The following CFAP74 variants were observed in gnomAD, a reference collection of about 807,000 sequenced individuals.
CFAP74 encodes the protein cilia and flagella associated protein 74, also known as cilia- and flagella-associated protein 74.
Under a neutral mutation model 188.9 loss-of-function variants are expected in CFAP74, and 124 were observed. The observed-to-expected ratio is 0.66, with a 90% CI of 0.57 to 0.76. CFAP74 has a LOEUF of 0.76. CFAP74 is among the 30% of genes least tolerant of loss of function. The pLI, the probability that CFAP74 is intolerant of heterozygous loss-of-function variation, is 0.00. For missense variants in CFAP74, 2,198 were observed against 2,165.2 expected (o/e 1.02, Z -0.30); for synonymous variants, 956 against 916.7 (o/e 1.04, Z -0.77).
intron 12 of CFAP74, 69 bp from the exon 13 acceptor site, chr1:1,965,130 G>A (rs1655381879): frequency 6.7e-7 from 1 of 1,484,898 alleles, no homozygotes; most frequent in Non-Finnish European, 9.2e-7. Flanking sequence ...TGGCAGCTCG[G>A]AGGCGAGGGT....
rs765250449 is a variant in CFAP74 at position 1,938,904 on chromosome 1, T to C, written c.2962A>G (p.Lys988Glu). The change falls in exon 25 of 39, where the codon AAG becomes GAG. Residue 988 changes from lysine to glutamate, a missense_variant. Transcript: ENST00000682832. Reference protein sequence around the residue: ...LQFCVIFQPTKAEEHRFQLTC... With the variant: ...LQFCVIFQPTEAEEHRFQLTC... ...AGTTGGAATCTGTGTTCCTCGGCCT[T>C]GGTGGGCTGGAAGATCACACAGAAC... The C allele has an allele frequency of 1.0e-4, 158 of 1,536,048 alleles. No individual in the cohort carries two copies. Among genetic ancestry groups the C allele is most frequent in the Admixed American group, 2.7e-4 (14 of 50,980 alleles).
intron 18 of CFAP74, among the ~76,000 whole-genome samples, chr1:1,949,011 T>C (rs1654016374): frequency 1.2e-5 from 1 of 84,592 alleles, no homozygotes; most frequent in Non-Finnish European, 2.4e-5. Context: ...TCCTTCCCCT[T>C]CCCCTTCCTT....
intron 23 of CFAP74, 90 bp downstream of exon 23, chr1:1,940,226 G>T (rs1181070615): frequency 8.8e-6 from 9 of 1,019,822 alleles, no homozygotes; most frequent in South Asian, 2.8e-5. Flanking sequence ...CCTTTTGGGG[G>T]CCCTCGCCCG....
rs565857552 is a variant in CFAP74 at position 1,988,036 on chromosome 1, T to C, written c.296+476A>G. Reference sequence around the variant, plus strand: ...CAGGCTTGCTGCAGCCTTGACCTCCTGGGCTCAAGCCATCCTCTGGCCTCA... The same window carrying C: ...CAGGCTTGCTGCAGCCTTGACCTCCCGGGCTCAAGCCATCCTCTGGCCTCA... On this transcript the variant is annotated intron_variant, in intron 4 of 38. Transcript: ENST00000682832. 1.8e-4 allele frequency: 82 copies of C among 462,148 alleles called. 1 individual carries two copies. The highest frequency in any genetic ancestry group is 1.2e-3 in the South Asian group (77 of 64,108). The allele number at this position is 462,148 out of a possible 1,614,324, so 28.6% of individuals were successfully genotyped here. A position where few individuals can be genotyped will look rare whatever the true frequency, so the allele number is the denominator to read the frequency against.
At chr1:1,961,724 C>A (rs921854902) in intron 14 of CFAP74, among the ~76,000 whole-genome samples, 1 of 152,230 alleles carries the variant, frequency 6.6e-6, no homozygotes, top group Non-Finnish European at 1.5e-5. Flanking sequence ...AAACACCAAC[C>A]TCCAGCATGC....
intron 1 of CFAP74, among the ~76,000 whole-genome samples, chr1:1,993,198 C>CAAAAAA (rs58970740): frequency 1.1e-5 from 1 of 90,474 alleles, no homozygotes; most frequent in Non-Finnish European, 2.3e-5. Context: ...AAGACTGTCT[C>CAAAAAA]AAAAAAAAAA....
intron 14 of CFAP74, among the ~76,000 whole-genome samples, chr1:1,960,828 G>C (rs879605545): frequency 6.6e-6 from 1 of 152,212 alleles, no homozygotes; most frequent in Admixed American, 6.5e-5. Flanking sequence ...GAGGGTGGAC[G>C]TGCGTGCCTC....
At chr1:1,999,047 T>C (rs1249563392) in intron 1 of CFAP74, among the ~76,000 whole-genome samples, 1 of 152,182 alleles carries the variant, frequency 6.6e-6, no homozygotes, top group Non-Finnish European at 1.5e-5. Context: ...TGTGTGTGTG[T>C]CTACATGCAA....
At position 1,935,419 on chromosome 1, in the gene CFAP74, G is replaced by A. The variant is rs1327145566; in HGVS notation, c.3011+3436C>T. ...ACACGTCTGTATGTGTGGGTGTTAG[G>A]TTGTAGGTACACACGTGTGTACGTG... On this transcript the variant is annotated intron_variant, in intron 25 of 38. Coordinates refer to ENST00000682832, the MANE Select transcript of CFAP74 (RefSeq NM_001304360.2). 2.1e-5 allele frequency among the ~76,000 whole-genome samples: 2 copies of A among 96,276 alleles called. 1 individual carries two copies. Among genetic ancestry groups the A allele is most frequent in the East Asian group, 7.7e-4 (2 of 2,600 alleles). The allele number at this position is 96,276 out of a possible 152,430, so 63.2% of individuals were successfully genotyped here.
At chr1:1,971,092 C>A (rs946679328) in intron 9 of CFAP74, among the ~76,000 whole-genome samples, 1 of 148,386 alleles carries the variant, frequency 6.7e-6, no homozygotes, top group Non-Finnish European at 1.5e-5. Flanking sequence ...CTCATACATG[C>A]ACACCTGCAC....
At position 1,959,209 on chromosome 1, in the gene CFAP74, T is replaced by C. The variant is rs746394723; in HGVS notation, c.1762A>G (p.Ile588Val). Residue 588 changes from isoleucine (I) to valine (V), a missense_variant and splice_region_variant, in exon 16 of 39, where the codon ATA (isoleucine) becomes GTA (valine). Transcript: ENST00000682832. ...ATATTTCCTTCTAGATCCTTGTTTA[T>C]CTAAAACATAAAACAACCCCCACCA... ...CEVLVTFKPMINKDLEGNISF... is the reference protein window; with the variant it reads ...CEVLVTFKPMVNKDLEGNISF... The C allele has an allele frequency of 5.0e-6, 8 of 1,602,038 alleles. No individual in the cohort carries two copies. The highest frequency in any genetic ancestry group is 6.8e-6 in the Non-Finnish European group (8 of 1,169,340).
At chr1:1,931,225 C>G (rs963283146) in intron 25 of CFAP74, among the ~76,000 whole-genome samples, 2 of 151,642 alleles carry the variant, frequency 1.3e-5, no homozygotes. Context: ...GTCAGGAGAT[C>G]GAGACCATCC....
intron 21 of CFAP74, among the ~76,000 whole-genome samples, chr1:1,943,409 G>C (rs1331199401): frequency 1.3e-5 from 2 of 152,256 alleles, no homozygotes; most frequent in Non-Finnish European, 2.9e-5. Flanking sequence ...CAGGCGCCGC[G>C]GGAGCTGTTC....
At chr1:1,994,456 T>C (rs2102115690) in intron 1 of CFAP74, among the ~76,000 whole-genome samples, 1 of 152,290 alleles carries the variant, frequency 6.6e-6, no homozygotes, top group East Asian at 1.9e-4. Flanking sequence ...TGCCAGTAAT[T>C]TTTTAAACTT....
chr1:1,993,958 G>T (rs982350665), intron 1 of CFAP74, among the ~76,000 whole-genome samples: 26 of 151,184 alleles, frequency 1.7e-4, no homozygotes, highest in African/African-American at 5.3e-4. Context: ...CTCCAGCCTG[G>T]GCGACAGAGC....
intron 6 of CFAP74, among the ~76,000 whole-genome samples, chr1:1,981,076 C>T (rs951856755): frequency 2.0e-5 from 3 of 152,228 alleles, no homozygotes; most frequent in South Asian, 2.1e-4. Context: ...ACGCTGGAAG[C>T]GGGGACCACG....
At chr1:1,962,511 C>A (rs1460494868) in intron 14 of CFAP74, among the ~76,000 whole-genome samples, 1 of 147,892 alleles carries the variant, frequency 6.8e-6, no homozygotes, top group Non-Finnish European at 1.5e-5. Context: ...TACTAAGGAG[C>A]AGAAGAAAAG....
rs766330644 is a variant in CFAP74 at position 1,964,991 on chromosome 1, G to T, written c.1472C>A (p.Thr491Lys). The T allele has an allele frequency of 8.1e-6, 13 of 1,613,844 alleles. No homozygotes were observed. Among genetic ancestry groups the T allele is most frequent in the Non-Finnish European group, 1.1e-5 (13 of 1,179,876 alleles). ...TKMDKDILER[T>K]VERLRSRVVH... is the part of the protein sequence containing the mutation. The stretch of plus-strand genomic sequence containing the variant: ...CACCCTGCTCCGCAGCCGCTCCACC[G>T]TGCGCTCCAGGATGTCCTTGTCCAT... Residue 491 changes from threonine to lysine, a missense_variant, in exon 13 of 39, where the codon ACG becomes AAG. Coordinates refer to ENST00000682832, the MANE Select transcript of CFAP74 (RefSeq NM_001304360.2).
chr1:1,982,920 G>A (rs989851885), intron 6 of CFAP74, among the ~76,000 whole-genome samples: 8 of 152,244 alleles, frequency 5.3e-5, no homozygotes, highest in Non-Finnish European at 1.0e-4. Flanking sequence ...GTCTACTGAC[G>A]GTTAAGGGTC....
Sources: gnomAD v4.1 joint callset for allele counts (sites outside exome capture counted in the v4.1 genomes callset) on GRCh38, gnomAD v4.1.1 for gene constraint, MANE v1.5 for transcripts, NCBI Gene and HGNC (gene_info 2026-07-23, HGNC 2026-07-21) for gene names.